The following DNAJC15 variants were observed in gnomAD, a reference collection of about 807,000 sequenced individuals.
The protein encoded by DNAJC15 is DnaJ heat shock protein family (Hsp40) member C15, also known as dnaJ homolog subfamily C member 15.
A neutral mutation model predicts 22.4 loss-of-function variants in DNAJC15; 27 were observed. The observed-to-expected ratio is 1.20, with a 90% CI of 0.89 to 1.66. DNAJC15 has a LOEUF of 1.66. DNAJC15 is among the 40% of genes most tolerant of loss of function. The pLI, the probability that DNAJC15 is intolerant of heterozygous loss-of-function variation, is 0.00. For synonymous variants in DNAJC15, 79 were observed against 63.2 expected (o/e 1.25, Z -1.19); for missense variants, 208 against 187.1 (o/e 1.11, Z -0.65).
chr13:43,051,154 T>C (rs2153440254), intron 1 of DNAJC15, among the ~76,000 whole-genome samples: 1 of 152,250 alleles, frequency 6.6e-6, no homozygotes, highest in Non-Finnish European at 1.5e-5. Flanking sequence ...TTTTTATTTT[T>C]AGTATAAGCG....
intron 5 of DNAJC15, among the ~76,000 whole-genome samples, chr13:43,098,317 C>T (rs1307557947): frequency 6.6e-6 from 1 of 152,080 alleles, no homozygotes; most frequent in African/African-American, 2.4e-5. Flanking sequence ...ACTTTCTAGG[C>T]ACTGAAGCTA....
intron 4 of DNAJC15, among the ~76,000 whole-genome samples, chr13:43,079,095 G>T (rs546464125): frequency 4.6e-5 from 7 of 152,164 alleles, no homozygotes; most frequent in Admixed American, 1.3e-4. Flanking sequence ...CATATTTATT[G>T]TGCTTGTTTC....
At chr13:43,091,446 C>A (rs1378895002) in intron 5 of DNAJC15, among the ~76,000 whole-genome samples, 1 of 152,278 alleles carries the variant, frequency 6.6e-6, no homozygotes, top group South Asian at 2.1e-4. Flanking sequence ...TCCTTAATAT[C>A]ATTTTTGGTT....
intron 1 of DNAJC15, among the ~76,000 whole-genome samples, chr13:43,056,576 T>A (rs1453314211): frequency 6.6e-6 from 1 of 152,244 alleles, no homozygotes; most frequent in East Asian, 1.9e-4. Flanking sequence ...ACTGTTTCTT[T>A]GTTGACTTTC....
chr13:43,043,556 TA>T (rs1440595755), intron 1 of DNAJC15, among the ~76,000 whole-genome samples: 1 of 152,242 alleles, frequency 6.6e-6, no homozygotes, highest in Non-Finnish European at 1.5e-5. Flanking sequence ...AGATTATTCT[TA>T]AAAAATCATT....
intron 1 of DNAJC15, among the ~76,000 whole-genome samples, chr13:43,035,323 T>C (rs1170501406): frequency 6.6e-6 from 1 of 152,222 alleles, no homozygotes; most frequent in Non-Finnish European, 1.5e-5. Flanking sequence ...TATAGAATCT[T>C]AGTACAGGTC....
In DNAJC15 at chr13:43,069,020, TTTAG is replaced by T; in HGVS notation, c.234+22_234+25del. ...TCAACTCCTGTAAGTTAAACGTGGC[TTTAG>T]TTAGAAGACTCATTTTGATTTTTGT... On this transcript the variant is annotated intron_variant, in intron 3 of 5. Transcript: ENST00000379221. 2 of 1,607,316 alleles carry T rather than the reference TTTAG, an allele frequency of 1.2e-6. No individual in the cohort carries two copies. Among genetic ancestry groups the T allele is most frequent in the Non-Finnish European group, 1.7e-6 (2 of 1,176,578 alleles).
At chr13:43,036,681 A>G (rs2040430506) in intron 1 of DNAJC15, among the ~76,000 whole-genome samples, 1 of 152,292 alleles carries the variant, frequency 6.6e-6, no homozygotes, top group East Asian at 1.9e-4. Flanking sequence ...TGACCTCCAC[A>G]GCACCCTGGC....
intron 3 of DNAJC15, among the ~76,000 whole-genome samples, chr13:43,069,808 G>A (rs1315339564): frequency 6.6e-6 from 1 of 152,076 alleles, no homozygotes; most frequent in Non-Finnish European, 1.5e-5. Context: ...CTCACTAAAT[G>A]TTTATTAAAT....
chr13:43,063,478 C>T (rs2040569068), intron 1 of DNAJC15, among the ~76,000 whole-genome samples: 1 of 152,172 alleles, frequency 6.6e-6, no homozygotes, highest in Admixed American at 6.5e-5. Context: ...AAACAAGTTC[C>T]ACAAAGGCCA....
intron 5 of DNAJC15, among the ~76,000 whole-genome samples, chr13:43,101,578 C>G (rs1374885807): frequency 6.6e-6 from 1 of 152,156 alleles, no homozygotes; most frequent in Non-Finnish European, 1.5e-5. Flanking sequence ...TTTCTTTCTT[C>G]CCCCTAAGTC....
intron 1 of DNAJC15, among the ~76,000 whole-genome samples, chr13:43,054,169 ATTG>A (rs2153440366): frequency 1.3e-5 from 2 of 152,194 alleles, no homozygotes; most frequent in South Asian, 4.1e-4. Context: ...TGATCGGGTG[ATTG>A]TTGTTTCCAC....
intron 1 of DNAJC15, among the ~76,000 whole-genome samples, chr13:43,062,125 A>G (rs2040562107): frequency 6.6e-6 from 1 of 152,106 alleles, no homozygotes; most frequent in Non-Finnish European, 1.5e-5. Flanking sequence ...ATGGTTTAAG[A>G]TAACCAAGAA....
chr13:43,075,604 G>T (rs755407388), intron 3 of DNAJC15, among the ~76,000 whole-genome samples: 2 of 151,806 alleles, frequency 1.3e-5, no homozygotes, highest in African/African-American at 4.8e-5. Context: ...AGGGAGTAAC[G>T]TATGCATCTA....
At chr13:43,076,572 A>G (rs2040634848) in intron 3 of DNAJC15, among the ~76,000 whole-genome samples, 1 of 152,326 alleles carries the variant, frequency 6.6e-6, no homozygotes, top group East Asian at 1.9e-4. Context: ...TTCAGATTTT[A>G]TTTCATGTAA....
chr13:43,055,039 T>G (rs1003306448), intron 1 of DNAJC15, among the ~76,000 whole-genome samples: 3 of 149,342 alleles, frequency 2.0e-5, no homozygotes, highest in African/African-American at 7.4e-5. Flanking sequence ...TCCTTTCCCT[T>G]TAGGACATCA....
At chr13:43,045,125 G>T (rs140164862) in intron 1 of DNAJC15, among the ~76,000 whole-genome samples, 8 of 152,080 alleles carry the variant, frequency 5.3e-5, no homozygotes, top group Non-Finnish European at 1.2e-4. Flanking sequence ...TTCTCTTCCT[G>T]CTGTATGCAC....
At position 43,023,774 on chromosome 13, in the gene DNAJC15, T is replaced by C. The variant is rs1354206491; in HGVS notation, c.108+40T>C. On this transcript the variant is annotated intron_variant, in intron 1 of 5. Transcript: ENST00000379221. The stretch of plus-strand genomic sequence containing the variant: ...CGGCCCCCACCCCTCTCTGGCTCCC[T>C]TGTAGTTTCTGCTTCAGCCCCCTCT... 3.2e-6 allele frequency: 5 copies of C among 1,544,320 alleles called. No homozygotes were observed. The African/African-American group carries it at 6.8e-5, about 21-fold the overall frequency.
At chr13:43,026,588 A>C (rs1054660204) in intron 1 of DNAJC15, among the ~76,000 whole-genome samples, 2 of 152,050 alleles carry the variant, frequency 1.3e-5, no homozygotes, top group Admixed American at 6.5e-5. Flanking sequence ...AGAAGCTGAC[A>C]AAAGGTAAAT....
Sources: gnomAD v4.1 joint callset for allele counts (sites outside exome capture counted in the v4.1 genomes callset) on GRCh38, gnomAD v4.1.1 for gene constraint, MANE v1.5 for transcripts, NCBI Gene and HGNC (gene_info 2026-07-23, HGNC 2026-07-21) for gene names.